ADK: variants seen among roughly 807,000 people sequenced by gnomAD.
ADK encodes N6,N6-dimethyladenosine kinase.
Under a neutral mutation model 44.7 loss-of-function variants are expected in ADK, and 24 were observed. That is an observed-to-expected ratio of 0.54 (90% CI 0.39 to 0.76). The LOEUF (loss-of-function observed/expected upper bound fraction) is 0.76, where lower values mean the gene tolerates loss of function less well. Ranked by LOEUF, ADK falls within the 30% of genes least tolerant of loss-of-function variation. ADK has a pLI of 0.00. For synonymous variants in ADK, 128 were observed against 142.6 expected, an observed-to-expected ratio of 0.90 and a Z score of 0.73; for missense variants, 321 against 425.1, an observed-to-expected ratio of 0.76 and a Z score of 2.15.
intron 3 of ADK, among the ~76,000 whole-genome samples, chr10:74,303,970 CA>C (rs72256519): frequency 0.66 from 92,900 of 140,904 alleles, 30,567 homozygotes; most frequent in Middle Eastern, 0.81. Context: ...ACTCTTGTCT[CA>C]AAAAAAAAAA....
At chr10:74,587,537 T>C (rs1851570179) in intron 7 of ADK, among the ~76,000 whole-genome samples, 1 of 152,192 alleles carries the variant, frequency 6.6e-6, no homozygotes, top group South Asian at 2.1e-4. Flanking sequence ...TGTATTTTTT[T>C]CCCAATGTTT....
At chr10:74,335,606 T>C (rs1182520985) in intron 4 of ADK, among the ~76,000 whole-genome samples, 1 of 152,234 alleles carries the variant, frequency 6.6e-6, no homozygotes, top group African/African-American at 2.4e-5. Context: ...TTACTAGATG[T>C]ATTGCCAAAC....
At chr10:74,377,994 G>T (rs1284521082) in intron 4 of ADK, among the ~76,000 whole-genome samples, 1 of 151,604 alleles carries the variant, frequency 6.6e-6, no homozygotes, top group East Asian at 1.9e-4. Flanking sequence ...TTGAGCTTTG[G>T]AGATGAGGTG....
chr10:74,455,108 A>G (rs1210070789), intron 6 of ADK, among the ~76,000 whole-genome samples: 1 of 152,200 alleles, frequency 6.6e-6, no homozygotes, highest in Non-Finnish European at 1.5e-5. Flanking sequence ...TATAGGAATG[A>G]TGATAATAAT....
chr10:74,287,429 A>C (rs915907181), intron 3 of ADK, among the ~76,000 whole-genome samples: 1 of 151,444 alleles, frequency 6.6e-6, no homozygotes, highest in African/African-American at 2.4e-5. Flanking sequence ...GCGCCACTGC[A>C]CTCCAGCCTG....
chr10:74,622,154 A>C (rs1853017475), intron 9 of ADK, among the ~76,000 whole-genome samples: 1 of 151,860 alleles, frequency 6.6e-6, no homozygotes, highest in Non-Finnish European at 1.5e-5. Flanking sequence ...CAGGATCATG[A>C]CCCTCAGTTC....
intron 10 of ADK, among the ~76,000 whole-genome samples, chr10:74,691,328 T>C (rs1170246709): frequency 6.6e-6 from 1 of 152,164 alleles, no homozygotes; most frequent in Non-Finnish European, 1.5e-5. Context: ...ATATATCAGG[T>C]TTGCTTTAAT....
intron 6 of ADK, among the ~76,000 whole-genome samples, chr10:74,514,705 G>A (rs937450589): frequency 6.6e-6 from 1 of 151,624 alleles, no homozygotes; most frequent in African/African-American, 2.4e-5. Flanking sequence ...TATCTTATTG[G>A]ATTTCTTTAA....
At chr10:74,533,399 A>G (rs904309626) in intron 7 of ADK, among the ~76,000 whole-genome samples, 2 of 152,212 alleles carry the variant, frequency 1.3e-5, no homozygotes, top group Non-Finnish European at 2.9e-5. Flanking sequence ...TTACAAAGCT[A>G]CAGTAATCCA....
chr10:74,647,364 T>C (rs1023657717), intron 9 of ADK, among the ~76,000 whole-genome samples: 1 of 152,136 alleles, frequency 6.6e-6, no homozygotes, highest in Non-Finnish European at 1.5e-5. Context: ...TTTTCTGTAT[T>C]TGGGGGATGC....
chr10:74,223,400 T>C (rs1186361206), intron 2 of ADK, among the ~76,000 whole-genome samples: 1 of 152,216 alleles, frequency 6.6e-6, no homozygotes, highest in Non-Finnish European at 1.5e-5. Context: ...CGTTGGGGAT[T>C]AAATTTCAAC....
intron 1 of ADK, chr10:74,176,845 C>A: frequency 6.2e-7 from 1 of 1,607,098 alleles, no homozygotes. Context: ...GACGCGGGCG[C>A]CGTGGCGCTG....
At chr10:74,311,968 C>A (rs1840447425) in intron 3 of ADK, among the ~76,000 whole-genome samples, 1 of 151,850 alleles carries the variant, frequency 6.6e-6, no homozygotes, top group South Asian at 2.1e-4. Context: ...GAGATGGAGA[C>A]CATCCTGGCC....
chr10:74,254,090 A>G (rs1382108484), intron 3 of ADK, among the ~76,000 whole-genome samples: 1 of 152,282 alleles, frequency 6.6e-6, no homozygotes, highest in South Asian at 2.1e-4. Flanking sequence ...CTAAAAATTG[A>G]TCAAACACAG....
chr10:74,424,765 T>C (rs1053159923), intron 6 of ADK, among the ~76,000 whole-genome samples: 4 of 152,138 alleles, frequency 2.6e-5, no homozygotes, highest in South Asian at 2.1e-4. Flanking sequence ...TCTTCCGATA[T>C]TGGTAATTGT....
At chr10:74,404,991 CA>C (rs142481390) in intron 6 of ADK, among the ~76,000 whole-genome samples, 4,834 of 152,178 alleles carry the variant, frequency 0.032, 222 homozygotes, top group African/African-American at 0.098. Context: ...TATACATCTT[CA>C]AATTGGTTTT....
At chr10:74,381,778 AG>A (rs1313547410) in intron 4 of ADK, among the ~76,000 whole-genome samples, 1 of 152,202 alleles carries the variant, frequency 6.6e-6, no homozygotes, top group Non-Finnish European at 1.5e-5. Context: ...CCTTGAAGGA[AG>A]GGGTAATTTA....
rs566298280 is a variant in ADK at position 74,526,616 on chromosome 10, G to A, written c.726+1190G>A. Among the ~76,000 whole-genome samples, 11 of 152,200 alleles carry A rather than the reference G, an allele frequency of 7.2e-5. No individual in the cohort carries two copies. The South Asian group carries it at 1.0e-3, about 14-fold the overall frequency. On this transcript the variant is annotated intron_variant, in intron 7 of 10. Coordinates refer to ENST00000539909, the MANE Select transcript of ADK (RefSeq NM_006721.4). Reference sequence around the variant, plus strand: ...CATAAAAATTGACCTGGAAGTTTACGAGATCACCTGGGTAAAGATTAAAGG... The same window carrying A: ...CATAAAAATTGACCTGGAAGTTTACAAGATCACCTGGGTAAAGATTAAAGG...
At chr10:74,428,957 C>T (rs1370750260) in intron 6 of ADK, among the ~76,000 whole-genome samples, 2 of 152,100 alleles carry the variant, frequency 1.3e-5, no homozygotes. Flanking sequence ...TCAACTCAAT[C>T]ACAAGAGAAT....
Sources: gnomAD v4.1 joint callset for allele counts (sites outside exome capture counted in the v4.1 genomes callset) on GRCh38, gnomAD v4.1.1 for gene constraint, MANE v1.5 for transcripts, NCBI Gene and HGNC (gene_info 2026-07-23, HGNC 2026-07-21) for gene names.